TMEM117: variants seen among roughly 807,000 people sequenced by gnomAD.
The protein encoded by TMEM117 is transmembrane protein 117.
Under a neutral mutation model 52.4 loss-of-function variants are expected in TMEM117, and 27 were observed. The ratio of observed to expected loss-of-function variants is 0.51; its 90% CI spans 0.38 to 0.71. The LOEUF is 0.71. TMEM117 is among the 30% of genes least tolerant of loss of function. The probability of loss-of-function intolerance (pLI) is 0.00; values close to 1 mark genes in which losing one functional copy is unlikely to be tolerated. For synonymous variants in TMEM117, 215 were observed against 206.3 expected (o/e 1.04, Z -0.36); for missense variants, 556 against 630.5 (o/e 0.88, Z 1.26).
intron 3 of TMEM117, among the ~76,000 whole-genome samples, chr12:43,980,480 A>G (rs1252155534): frequency 1.3e-5 from 2 of 152,184 alleles, no homozygotes; most frequent in Admixed American, 6.5e-5. Flanking sequence ...AGGCTGTGGT[A>G]GCTTTAAGCA....
chr12:44,337,791 A>G lies in TMEM117; in HGVS notation c.768+38052A>G, dbSNP rs372046176. On this transcript the variant is annotated intron_variant, in intron 6 of 7. Transcript: ENST00000266534. Reference sequence around the variant, plus strand: ...CATATCATAGTCAGTAGTTCAAAGTATCTTGGCATTAATTGAATTAGGGAA... The same window carrying G: ...CATATCATAGTCAGTAGTTCAAAGTGTCTTGGCATTAATTGAATTAGGGAA... Among the ~76,000 whole-genome samples, 40 of 152,224 alleles carry G rather than the reference A, an allele frequency of 2.6e-4. No individual in the cohort carries two copies. In the South Asian group the frequency reaches 6.0e-3, roughly 23 times the overall value.
chr12:44,150,610 T>G (rs1948708591), intron 4 of TMEM117, among the ~76,000 whole-genome samples: 1 of 152,204 alleles, frequency 6.6e-6, no homozygotes, highest in South Asian at 2.1e-4. Context: ...TTTTGCTCAT[T>G]AGGAAGTTTT....
intron 3 of TMEM117, among the ~76,000 whole-genome samples, chr12:44,076,681 A>G (rs1273995045): frequency 1.3e-5 from 2 of 152,218 alleles, no homozygotes; most frequent in African/African-American, 2.4e-5. Flanking sequence ...ATCAGTGTCC[A>G]CAGCAATATG....
At position 44,299,658 on chromosome 12, in the gene TMEM117, G is replaced by A; in HGVS notation, c.687G>A (p.Arg229=). ...TDWISWDKLN[R]GFLPSDEVSR... ...GGATCAGCTGGGACAAGCTGAATCGGGGATTTTTGCCCAGTGATGAAGTTT... is the reference window on the plus strand; with the variant it reads ...GGATCAGCTGGGACAAGCTGAATCGAGGATTTTTGCCCAGTGATGAAGTTT... Residue 229 remains arginine, a synonymous_variant, in exon 6 of 8, where the codon CGG becomes CGA. Coordinates refer to ENST00000266534, the MANE Select transcript of TMEM117 (RefSeq NM_032256.3). 1.9e-6 allele frequency: 3 copies of A among 1,614,160 alleles called. No homozygotes were observed. The South Asian group carries it at 3.3e-5, about 18-fold the overall frequency.
chr12:43,936,954 G>C (rs745306776), intron 2 of TMEM117, among the ~76,000 whole-genome samples: 65 of 152,182 alleles, frequency 4.3e-4, no homozygotes, highest in Non-Finnish European at 7.9e-4. Context: ...AGGCCTCAGA[G>C]GTGGAGAAAA....
At chr12:44,044,545 A>G (rs1565805285) in intron 3 of TMEM117, among the ~76,000 whole-genome samples, 1 of 152,206 alleles carries the variant, frequency 6.6e-6, no homozygotes, top group Non-Finnish European at 1.5e-5. Flanking sequence ...GGCACAAGTA[A>G]GTTACATGAG....
At chr12:44,078,969 T>A (rs1324868698) in intron 3 of TMEM117, among the ~76,000 whole-genome samples, 1 of 151,376 alleles carries the variant, frequency 6.6e-6, no homozygotes, top group Non-Finnish European at 1.5e-5. Context: ...GGAGTTTGGT[T>A]TTCTGTTCTT....
At chr12:43,968,567 G>C (rs1945522741) in intron 3 of TMEM117, among the ~76,000 whole-genome samples, 1 of 152,234 alleles carries the variant, frequency 6.6e-6, no homozygotes, top group African/African-American at 2.4e-5. Flanking sequence ...GTGATTTGTT[G>C]TCTATAACTT....
chr12:43,797,129 G>A, the TMEM117 span: 2 of 1,551,866 alleles, frequency 1.3e-6, no homozygotes, highest in South Asian at 1.2e-5. Context: ...AATATAATTA[G>A]CATATCAATA....
At chr12:43,992,409 A>G (rs1475543702) in intron 3 of TMEM117, among the ~76,000 whole-genome samples, 2 of 152,016 alleles carry the variant, frequency 1.3e-5, no homozygotes, top group African/African-American at 4.8e-5. Flanking sequence ...CTGGGACTAC[A>G]GGTGCATGCC....
chr12:43,957,259 T>C (rs1247956449), intron 3 of TMEM117, among the ~76,000 whole-genome samples: 1 of 151,978 alleles, frequency 6.6e-6, no homozygotes, highest in Non-Finnish European at 1.5e-5. Context: ...GGCATACATT[T>C]ACCTATGAAA....
At chr12:43,965,557 T>C (rs868754201) in intron 3 of TMEM117, among the ~76,000 whole-genome samples, 1 of 152,258 alleles carries the variant, frequency 6.6e-6, no homozygotes, top group Non-Finnish European at 1.5e-5. Flanking sequence ...CATATTTTTC[T>C]GTAAATGTTG....
chr12:44,354,487 A>T (rs1209974632), intron 6 of TMEM117, among the ~76,000 whole-genome samples: 1 of 152,134 alleles, frequency 6.6e-6, no homozygotes, highest in African/African-American at 2.4e-5. Flanking sequence ...AGTGAGCTTC[A>T]TCCCTGGGAT....
intron 2 of TMEM117, among the ~76,000 whole-genome samples, chr12:43,912,823 T>A (rs887810442): frequency 7.2e-5 from 11 of 152,080 alleles, no homozygotes; most frequent in African/African-American, 2.4e-4. Flanking sequence ...ATTCATTTTA[T>A]CCAAAAATAA....
intron 5 of TMEM117, among the ~76,000 whole-genome samples, chr12:44,265,159 A>G (rs1950362349): frequency 6.6e-6 from 1 of 152,204 alleles, no homozygotes; most frequent in African/African-American, 2.4e-5. Flanking sequence ...TTTAAGCGGA[A>G]CACTATATAA....
intron 3 of TMEM117, among the ~76,000 whole-genome samples, chr12:44,088,306 AT>A (rs1385093319): frequency 1.3e-5 from 2 of 152,164 alleles, no homozygotes; most frequent in African/African-American, 4.8e-5. Flanking sequence ...TTTCTCTTTG[AT>A]TTCCCCCATA....
intron 5 of TMEM117, among the ~76,000 whole-genome samples, chr12:44,224,343 A>G (rs947401512): frequency 2.0e-5 from 3 of 152,214 alleles, no homozygotes; most frequent in Non-Finnish European, 4.4e-5. Context: ...AACCCAAAAT[A>G]TACAAGTTCT....
chr12:43,886,908 C>T (rs984166512), intron 2 of TMEM117, among the ~76,000 whole-genome samples: 3 of 152,048 alleles, frequency 2.0e-5, no homozygotes, highest in Non-Finnish European at 2.9e-5. Flanking sequence ...TGTGCTGTGG[C>T]GTGATCTCGG....
At chr12:44,042,786 ACAC>A in intron 3 of TMEM117, among the ~76,000 whole-genome samples, 1 of 151,300 alleles carries the variant, frequency 6.6e-6, no homozygotes, top group East Asian at 1.9e-4. Context: ...ACACACACAC[ACAC>A]ACACACACAC....
Sources: allele counts gnomAD v4.1 joint callset (sites outside exome capture counted in the v4.1 genomes callset), GRCh38; gene constraint gnomAD v4.1.1; transcripts MANE v1.5; gene names NCBI Gene and HGNC (gene_info 2026-07-23, HGNC 2026-07-21).